The following TEKT5 variants were observed in gnomAD, a reference collection of about 807,000 sequenced individuals.
The protein encoded by TEKT5 is tektin 5.
TEKT5 carries 52 observed loss-of-function variants against 48.7 expected under a neutral mutation model. That is an observed-to-expected ratio of 1.07 (90% CI 0.86 to 1.35). The LOEUF is 1.35. Ranked by LOEUF, TEKT5 falls within the 40% of genes most tolerant of loss-of-function variation. The pLI is 0.00. For missense variants in TEKT5, 831 were observed against 641.6 expected (o/e 1.30, Z -3.19); for synonymous variants, 318 against 267.6 (o/e 1.19, Z -1.84).
At chr16:10,672,454 G>C (rs759382032) in intron 5 of TEKT5, among the ~76,000 whole-genome samples, 2 of 152,102 alleles carry the variant, frequency 1.3e-5, no homozygotes, top group South Asian at 4.1e-4. Context: ...TAGCTGGGGC[G>C]TGATGGCGGG....
chr16:10,659,731 AT>A (rs1898329727), intron 5 of TEKT5, among the ~76,000 whole-genome samples: 1 of 152,220 alleles, frequency 6.6e-6, no homozygotes, highest in South Asian at 2.1e-4. Flanking sequence ...CACATTCAAA[AT>A]AAGAAAACCA....
chr16:10,677,895 C>T (rs1435837397), intron 4 of TEKT5, among the ~76,000 whole-genome samples: 3 of 152,086 alleles, frequency 2.0e-5, no homozygotes, highest in Admixed American at 6.6e-5. Context: ...GGACTCACAG[C>T]GTGGTAGCTG....
At chr16:10,629,785 G>A (rs1229560639) in intron 6 of TEKT5, among the ~76,000 whole-genome samples, 1 of 152,204 alleles carries the variant, frequency 6.6e-6, no homozygotes, top group Non-Finnish European at 1.5e-5. Context: ...GGCTGACTCA[G>A]GTACAAAGGG....
chr16:10,633,356 A>G (rs961640235), intron 6 of TEKT5, among the ~76,000 whole-genome samples: 4 of 152,074 alleles, frequency 2.6e-5, no homozygotes, highest in Non-Finnish European at 4.4e-5. Context: ...GCAAGACTCA[A>G]TTAAAAAAAA....
At chr16:10,668,785 T>G (rs973309896) in intron 5 of TEKT5, among the ~76,000 whole-genome samples, 1 of 152,138 alleles carries the variant, frequency 6.6e-6, no homozygotes, top group African/African-American at 2.4e-5. Flanking sequence ...GCCTGGATGT[T>G]TTGTTTATCT....
chr16:10,665,240 A>G (rs1898438395), intron 5 of TEKT5, among the ~76,000 whole-genome samples: 1 of 152,186 alleles, frequency 6.6e-6, no homozygotes, highest in East Asian at 1.9e-4. Flanking sequence ...ATGCTGGGGC[A>G]TAACATTACC....
chr16:10,636,779 A>G (rs78422652), intron 5 of TEKT5, among the ~76,000 whole-genome samples: 2,055 of 148,940 alleles, frequency 0.014, 53 homozygotes, highest in African/African-American at 0.051. Flanking sequence ...TTAATTACTA[A>G]GAAAGTAAAC....
At chr16:10,643,574 A>G (rs1461782522) in intron 5 of TEKT5, among the ~76,000 whole-genome samples, 1 of 152,178 alleles carries the variant, frequency 6.6e-6, no homozygotes, top group Non-Finnish European at 1.5e-5. Context: ...GCTAGTGCAA[A>G]TTGAGATGAG....
chr16:10,638,539 G>C (rs918651383), intron 5 of TEKT5, among the ~76,000 whole-genome samples: 11 of 152,174 alleles, frequency 7.2e-5, no homozygotes, highest in African/African-American at 2.2e-4. Flanking sequence ...TGATCAGAAG[G>C]ATGTGCCAGT....
In TEKT5 at chr16:10,643,308, G is replaced by A. The variant is rs191386376; in HGVS notation, c.1087-7390C>T. ...GTGAGAGGATGGCTTGAGCCTATGA[G>A]TTTGAGGCTCTAGTGAGCTGTGATG... On this transcript the variant is annotated intron_variant, in intron 5 of 6. Coordinates refer to ENST00000283025, the MANE Select transcript of TEKT5 (RefSeq NM_144674.2). 1.2e-4 allele frequency among the ~76,000 whole-genome samples: 19 copies of A among 152,164 alleles called. No homozygotes were observed. The East Asian group carries it at 3.7e-3, about 29-fold the overall frequency.
At chr16:10,669,014 T>A (rs1289523299) in intron 5 of TEKT5, among the ~76,000 whole-genome samples, 2 of 152,208 alleles carry the variant, frequency 1.3e-5, no homozygotes, top group African/African-American at 4.8e-5. Flanking sequence ...GCTACTAATT[T>A]TTCAAGAGAC....
chr16:10,694,577 C>G lies in TEKT5; in HGVS notation c.297G>C (p.Gln99His). 6.2e-7 allele frequency: 1 copy of G among 1,603,344 alleles called. No homozygotes were observed. Among genetic ancestry groups the G allele is most frequent in the South Asian group, 1.1e-5 (1 of 89,154 alleles). Residue 99 changes from glutamine (Q) to histidine (H), a missense_variant, in exon 1 of 7, where the codon CAG becomes CAC. Transcript: ENST00000283025. ...YSPHDWDQSN[Q>H]LQVRGAEASR... Reference sequence around the variant, plus strand: ...AGGCCTCGGCCCCACGCACCTGCAGCTGGTTGGACTGGTCCCAGTCGTGGG... The same window carrying G: ...AGGCCTCGGCCCCACGCACCTGCAGGTGGTTGGACTGGTCCCAGTCGTGGG...
At chr16:10,658,194 GA>G (rs569645410) in intron 5 of TEKT5, among the ~76,000 whole-genome samples, 43 of 152,274 alleles carry the variant, frequency 2.8e-4, no homozygotes, top group African/African-American at 9.9e-4. Context: ...GTCAACCTCT[GA>G]AAAGCCGTTT....
chr16:10,694,277 C>G, intron 1 of TEKT5, 33 bp downstream of exon 1: 1 of 1,521,048 alleles, frequency 6.6e-7, no homozygotes, highest in South Asian at 1.3e-5. Flanking sequence ...CCCCAGGACA[C>G]AGCCACAGCC....
intron 1 of TEKT5, among the ~76,000 whole-genome samples, chr16:10,690,901 G>T (rs1167095056): frequency 3.3e-5 from 5 of 152,164 alleles, no homozygotes; most frequent in African/African-American, 1.2e-4. Flanking sequence ...AATGGGAGGG[G>T]GTCACTGACC....
chr16:10,641,786 C>T (rs934705938), intron 5 of TEKT5, among the ~76,000 whole-genome samples: 3 of 152,214 alleles, frequency 2.0e-5, no homozygotes, highest in Non-Finnish European at 4.4e-5. Flanking sequence ...CACGCCACTG[C>T]ACCCCAGCCT....
At chr16:10,682,179 A>C in intron 3 of TEKT5, 43 bp from the exon 4 acceptor site, 1 of 1,598,764 alleles carries the variant, frequency 6.3e-7, no homozygotes, top group Non-Finnish European at 8.5e-7. Context: ...GCACCTGCAC[A>C]GAGTACCCAG....
At chr16:10,676,300 G>C in intron 4 of TEKT5, 119 bp from the exon 5 acceptor site, 1 of 971,440 alleles carries the variant, frequency 1.0e-6, no homozygotes. Context: ...GCATTGTAGG[G>C]TGCTTGGGAT....
intron 4 of TEKT5, among the ~76,000 whole-genome samples, chr16:10,676,966 T>C (rs900746524): frequency 2.4e-5 from 3 of 124,294 alleles, no homozygotes; most frequent in Non-Finnish European, 3.5e-5. Context: ...GGCAGATCAG[T>C]TGAGTCCAGG....
Sources: gnomAD v4.1 joint callset for allele counts (sites outside exome capture counted in the v4.1 genomes callset) on GRCh38, gnomAD v4.1.1 for gene constraint, MANE v1.5 for transcripts, NCBI Gene and HGNC (gene_info 2026-07-23, HGNC 2026-07-21) for gene names.